The following NUP205 variants were observed in gnomAD, a reference collection of about 807,000 sequenced individuals.
The protein encoded by NUP205 is nucleoporin 205.
In NUP205, 76 loss-of-function variants were observed where a neutral mutation model predicts 253.8. The observed-to-expected ratio is 0.30, with a 90% confidence interval of 0.25 to 0.36. The LOEUF (loss-of-function observed/expected upper bound fraction) is 0.36. Among genes scored for constraint, NUP205 ranks in the 10% least tolerant of loss-of-function variants. The pLI, the probability that NUP205 is intolerant of heterozygous loss-of-function variation, is 1.00. For synonymous variants in NUP205, 832 were observed against 850.1 expected (o/e 0.98, Z 0.37); for missense variants, 2,162 against 2,425.5 (o/e 0.89, Z 2.28).
chr7:135,592,778 T>A (rs541028672), intron 11 of NUP205, among the ~76,000 whole-genome samples: 1 of 152,196 alleles, frequency 6.6e-6, no homozygotes, highest in Admixed American at 6.5e-5. Flanking sequence ...TCTCAGCTAC[T>A]TGGGAGGTTG....
At chr7:135,627,877 A>C in intron 33 of NUP205, 96 bp from the exon 34 acceptor site, 5 of 1,233,766 alleles carry the variant, frequency 4.1e-6, no homozygotes, top group Non-Finnish European at 5.8e-6. Flanking sequence ...CATCTTAATC[A>C]GCCGGCTCTG....
chr7:135,634,713 A>ACAGG (rs537393620), intron 35 of NUP205, among the ~76,000 whole-genome samples: 167 of 152,268 alleles, frequency 1.1e-3, no homozygotes, highest in African/African-American at 3.4e-3. Context: ...TGAAGGTGGG[A>ACAGG]CAGGATAAGC....
chr7:135,635,730 C>T (rs978710554), intron 36 of NUP205, 73 bp downstream of exon 36: 6 of 865,748 alleles, frequency 6.9e-6, no homozygotes, highest in South Asian at 1.9e-5. Flanking sequence ...CCCATTGTGC[C>T]CCCTAGATTT....
rs201134403 is a variant in NUP205, at chr7:135,583,827, G to GCTTT, written c.1043-988_1043-985dup. 9.4e-3 allele frequency among the ~76,000 whole-genome samples: 1,416 copies of GCTTT among 150,592 alleles called. 24 individuals are homozygous for GCTTT. Among genetic ancestry groups the GCTTT allele is most frequent in the African/African-American group, 0.033 (1,336 of 40,896 alleles). On this transcript the variant is annotated intron_variant, in intron 7 of 42. Transcript: ENST00000285968. ...GAGTATGTAGTGAATTTTTACTTTT[G>GCTTT]CTTTCTTTCTTTCTTTCTTTTTTTT...
rs1201349979 is a variant in NUP205 at position 135,622,820 on chromosome 7, A to G, written c.4374A>G (p.Val1458=). ...AAAGGCTGACAGCCCCTGAAGATGT[A>G]TTTAGCAAATTACAGCGAGAAAACA... ...MWERLTAPED[V]FSKLQRENIA... Residue 1458 remains valine (V), a synonymous_variant, in exon 31 of 43, where the codon GTA becomes GTG. Coordinates refer to ENST00000285968, the MANE Select transcript of NUP205 (RefSeq NM_015135.3). 5 of 1,613,986 alleles carry G rather than the reference A, an allele frequency of 3.1e-6. No individual in the cohort carries two copies. Among genetic ancestry groups the G allele is most frequent in the Non-Finnish European group, 2.5e-6 (3 of 1,180,006 alleles).
chr7:135,634,961 G>A (rs1794780819), intron 35 of NUP205, among the ~76,000 whole-genome samples: 1 of 152,186 alleles, frequency 6.6e-6, no homozygotes, highest in African/African-American at 2.4e-5. Context: ...GCTAGGATAG[G>A]TTTAGGTGGG....
chr7:135,621,380 T>C (rs568661889), intron 30 of NUP205, among the ~76,000 whole-genome samples: 2 of 152,320 alleles, frequency 1.3e-5, no homozygotes, highest in East Asian at 3.9e-4. Flanking sequence ...ACATTTTTCT[T>C]TTGTGTGTGT....
At chr7:135,641,512 G>A (rs1254104871) in intron 38 of NUP205, among the ~76,000 whole-genome samples, 31 of 152,150 alleles carry the variant, frequency 2.0e-4, no homozygotes. Flanking sequence ...GCTCACGCCT[G>A]TAATCCCAGC....
intron 24 of NUP205, among the ~76,000 whole-genome samples, chr7:135,616,444 G>T (rs1252216915): frequency 6.6e-6 from 1 of 152,088 alleles, no homozygotes; most frequent in Non-Finnish European, 1.5e-5. Context: ...TTACAATTGT[G>T]CAGTGGATTC....
chr7:135,620,230 G>A (rs746465931), intron 30 of NUP205, among the ~76,000 whole-genome samples: 2 of 152,058 alleles, frequency 1.3e-5, no homozygotes, highest in Non-Finnish European at 2.9e-5. Flanking sequence ...TACTTATCTA[G>A]TTGATTCTTT....
At chr7:135,621,019 C>T (rs780331582) in intron 30 of NUP205, among the ~76,000 whole-genome samples, 1 of 152,184 alleles carries the variant, frequency 6.6e-6, no homozygotes, top group Non-Finnish European at 1.5e-5. Context: ...CAGAGTTATT[C>T]TGCCATTTGT....
intron 27 of NUP205, 72 bp downstream of exon 27, chr7:135,617,754 G>A (rs1260852814): frequency 2.2e-6 from 2 of 901,028 alleles, no homozygotes; most frequent in Non-Finnish European, 3.6e-6. Context: ...GACTAAAATA[G>A]TATATTGACA....
chr7:135,624,108 T>C (rs1794531087), intron 31 of NUP205, among the ~76,000 whole-genome samples: 1 of 152,166 alleles, frequency 6.6e-6, no homozygotes, highest in Non-Finnish European at 1.5e-5. Context: ...TTTAAAAATT[T>C]TAAAATATTT....
In NUP205 at chr7:135,573,717, G is replaced by C; in HGVS notation, c.235G>C (p.Gly79Arg). ...CAGTACAGAGGGAGTCGCCATTCAG[G>C]GTCAACAGGGAACTCGACTTCTTCC... Reference protein sequence around the residue: ...KASTEGVAIQGQQGTRLLPEQ... With the variant: ...KASTEGVAIQRQQGTRLLPEQ... The change falls in exon 3 of 43, where the codon GGT becomes CGT. Residue 79 changes from glycine to arginine, a missense_variant. This residue lies in a region of NUP205 where 109 missense variants were observed against 131.8 expected (regional missense o/e 0.83). Coordinates refer to ENST00000285968, the MANE Select transcript of NUP205 (RefSeq NM_015135.3). 1 of 1,613,928 alleles carries C rather than the reference G, an allele frequency of 6.2e-7. No homozygotes were observed. Among genetic ancestry groups the C allele is most frequent in the Non-Finnish European group, 8.5e-7 (1 of 1,179,916 alleles).
At position 135,601,437 on chromosome 7, in the gene NUP205, A is replaced by G; in HGVS notation, c.2442A>G (p.Pro814=). The change falls in exon 17 of 43, where the codon CCA becomes CCG. Residue 814 remains proline (P), a synonymous_variant. Coordinates refer to ENST00000285968, the MANE Select transcript of NUP205 (RefSeq NM_015135.3). The stretch of plus-strand genomic sequence containing the variant: ...TGTATCATCTGCTGAATGAGTCACC[A>G]ATGTTGGAGCTTGCTCTCAGTTTAC... ...SLMYHLLNES[P]MLELALSLLE... is the part of the protein sequence containing the mutation. 1.2e-6 allele frequency: 2 copies of G among 1,613,918 alleles called. No homozygotes were observed. Among genetic ancestry groups the G allele is most frequent in the Non-Finnish European group, 1.7e-6 (2 of 1,179,864 alleles).
At chr7:135,576,132 T>C (rs1806143468) in intron 3 of NUP205, 138 bp from the exon 4 acceptor site, 1 of 583,560 alleles carries the variant, frequency 1.7e-6, no homozygotes. Context: ...GATGGATGTT[T>C]GTAGTAGAGG....
At chr7:135,642,169 C>G (rs934651367) in intron 38 of NUP205, among the ~76,000 whole-genome samples, 1 of 151,646 alleles carries the variant, frequency 6.6e-6, no homozygotes, top group Non-Finnish European at 1.5e-5. Context: ...GCAGGAGAAT[C>G]GCTTGAAACC....
chr7:135,581,814 C>T (rs1348547598), intron 7 of NUP205, among the ~76,000 whole-genome samples: 1 of 151,614 alleles, frequency 6.6e-6, no homozygotes, highest in Non-Finnish European at 1.5e-5. Context: ...GATCATGCCA[C>T]TGCACTTTAG....
intron 1 of NUP205, among the ~76,000 whole-genome samples, chr7:135,570,277 G>A (rs757274243): frequency 4.6e-5 from 7 of 151,722 alleles, no homozygotes; most frequent in African/African-American, 1.5e-4. Context: ...GCAGTGGCAC[G>A]ATCCTGGCTC....
Sources: allele counts gnomAD v4.1 joint callset (sites outside exome capture counted in the v4.1 genomes callset), GRCh38; gene constraint gnomAD v4.1.1; regional missense constraint gnomAD v4.1.1; transcripts MANE v1.5; gene names NCBI Gene and HGNC (gene_info 2026-07-23, HGNC 2026-07-21).